Variants in AR observed in about 807,000 individuals in gnomAD.
AR encodes androgen receptor.
AR carries 8 observed loss-of-function variants against 53.9 expected under a neutral mutation model. That is an observed-to-expected ratio of 0.15 (90% CI 0.09 to 0.27). The LOEUF is 0.27. Among genes scored for constraint, AR ranks in the 10% least tolerant of loss-of-function variants. The probability of loss-of-function intolerance (pLI) is 1.00; values close to 1 mark genes in which losing one functional copy is unlikely to be tolerated. For missense variants in AR, 639 were observed against 742.5 expected (o/e 0.86, Z 1.62); for synonymous variants, 359 against 316.4 (o/e 1.13, Z -1.43).
chrX:67,683,462 C>T (rs2075948025), intron 2 of AR, among the ~76,000 whole-genome samples: 1 of 111,330 alleles, frequency 9.0e-6, no homozygotes, highest in African/African-American at 3.3e-5. Context: ...ATTCTTAGAG[C>T]TGGAAAAGAT....
intron 1 of AR, among the ~76,000 whole-genome samples, chrX:67,613,467 C>T (rs1169366077): frequency 9.0e-6 from 1 of 111,349 alleles, no homozygotes; most frequent in African/African-American, 3.3e-5. Flanking sequence ...CTCCATGATA[C>T]TAGTAACAAC....
At chrX:67,670,603 T>C (rs1372615658) in intron 2 of AR, among the ~76,000 whole-genome samples, 1 of 108,681 alleles carries the variant, frequency 9.2e-6, no homozygotes, top group African/African-American at 3.3e-5. Flanking sequence ...ATGTAGATAA[T>C]ATATGTTTAT....
At chrX:67,576,945 G>A (rs768604515) in intron 1 of AR, among the ~76,000 whole-genome samples, 3 of 108,231 alleles carry the variant, frequency 2.8e-5, no homozygotes, top group Non-Finnish European at 3.8e-5. Context: ...TAAAATGTAC[G>A]TACCATAAAG....
chrX:67,723,353 T>TGTGTGTGTGTGTGAGA (rs2076144721), intron 7 of AR, among the ~76,000 whole-genome samples: 1 of 95,019 alleles, frequency 1.1e-5, no homozygotes, highest in African/African-American at 4.4e-5. Context: ...TGTGTGTGTG[T>TGTGTGTGTGTGTGAGA]CAGAGAGAGA....
At chrX:67,600,795 A>G (rs968432176) in intron 1 of AR, among the ~76,000 whole-genome samples, 1 of 111,610 alleles carries the variant, frequency 9.0e-6, no homozygotes, top group Non-Finnish European at 1.9e-5. Context: ...GCTTCTATCA[A>G]AAATTTTCAT....
At chrX:67,573,499 G>A (rs776404417) in intron 1 of AR, among the ~76,000 whole-genome samples, 23 of 111,680 alleles carry the variant, frequency 2.1e-4, no homozygotes, top group South Asian at 7.5e-4. Flanking sequence ...GTCTTATGTA[G>A]AGGGCTGCAC....
At chrX:67,691,134 T>C (rs1353622141) in intron 3 of AR, among the ~76,000 whole-genome samples, 1 of 112,137 alleles carries the variant, frequency 8.9e-6, no homozygotes, top group African/African-American at 3.2e-5. Flanking sequence ...TGAGACAATT[T>C]TAGGAAGGCC....
At chrX:67,579,858 T>C (rs758281957) in intron 1 of AR, among the ~76,000 whole-genome samples, 1 of 111,609 alleles carries the variant, frequency 9.0e-6, no homozygotes, top group South Asian at 3.8e-4. Context: ...ATGCAAACAT[T>C]GTAATTTCTC....
intron 3 of AR, among the ~76,000 whole-genome samples, chrX:67,702,225 C>G (rs1452904610): frequency 9.0e-6 from 1 of 111,381 alleles, no homozygotes; most frequent in Non-Finnish European, 1.9e-5. Context: ...GCAGAAGGCC[C>G]TGAAAAAATT....
At chrX:67,665,570 C>A (rs914099854) in intron 2 of AR, among the ~76,000 whole-genome samples, 2 of 111,763 alleles carry the variant, frequency 1.8e-5, no homozygotes, top group Admixed American at 9.5e-5. Flanking sequence ...CTTGGTAGCC[C>A]TTCTTTCTTC....
At position 67,725,777 on chromosome X, in the gene AR, C is replaced by A; in HGVS notation, c.*1936C>A. Reference sequence around the variant, plus strand: ...GAGACTTTCTACAGAACCATGGCTTCTTTCGGAAAGGTCTGGTTGGTGTGG... The same window carrying A: ...GAGACTTTCTACAGAACCATGGCTTATTTCGGAAAGGTCTGGTTGGTGTGG... On this transcript the variant is annotated 3_prime_UTR_variant, in exon 8 of 8. Coordinates refer to ENST00000374690, the MANE Select transcript of AR (RefSeq NM_000044.6). 3 of 173,936 alleles carry A rather than the reference C, an allele frequency of 1.7e-5. No individual in the cohort carries two copies. Among genetic ancestry groups the A allele is most frequent in the Non-Finnish European group, 3.3e-5 (3 of 91,510 alleles). 14.3% of individuals were successfully genotyped at this position (173,936 alleles called of 1,213,427 possible).
At chrX:67,664,393 T>A (rs1927137462) in intron 2 of AR, among the ~76,000 whole-genome samples, 1 of 112,054 alleles carries the variant, frequency 8.9e-6, no homozygotes, top group Non-Finnish European at 1.9e-5. Context: ...CCAGACCCTG[T>A]TTGCCTGGTT....
intron 1 of AR, among the ~76,000 whole-genome samples, chrX:67,582,916 A>T (rs1034380660): frequency 8.9e-6 from 1 of 111,939 alleles, no homozygotes; most frequent in Non-Finnish European, 1.9e-5. Flanking sequence ...GACTTTTCAC[A>T]TGGAGATAAT....
chrX:67,649,774 T>C (rs1926244868), intron 2 of AR, among the ~76,000 whole-genome samples: 1 of 112,298 alleles, frequency 8.9e-6, no homozygotes, highest in Non-Finnish European at 1.9e-5. Context: ...TTCTGGATAT[T>C]AGCCCTTTGT....
intron 1 of AR, among the ~76,000 whole-genome samples, chrX:67,580,828 T>C (rs754820499): frequency 4.2e-4 from 47 of 111,690 alleles, no homozygotes; most frequent in Non-Finnish European, 6.8e-4. Context: ...TTGTCAACTC[T>C]GTGAGGGCAG....
rs1466124910 is a variant in AR at position 67,725,860 on chromosome X, A to C, written c.*2019A>C. ...GTGCCCTGGGACACTGGTTTTATAT[A>C]GTCTTTTGGCACACCTGTGTTCTGT... On this transcript the variant is annotated 3_prime_UTR_variant, in exon 8 of 8. Coordinates refer to ENST00000374690, the MANE Select transcript of AR (RefSeq NM_000044.6). The C allele has an allele frequency of 5.8e-6, 1 of 173,886 alleles. No individual in the cohort carries two copies. Among genetic ancestry groups the C allele is most frequent in the Non-Finnish European group, 1.1e-5 (1 of 91,506 alleles). 14.3% of individuals were successfully genotyped at this position (173,886 alleles called of 1,213,427 possible).
At chrX:67,579,271 G>A (rs111310635) in intron 1 of AR, among the ~76,000 whole-genome samples, 284 of 111,418 alleles carry the variant, frequency 2.5e-3, no homozygotes, top group Non-Finnish European at 4.5e-3. Context: ...TAACATTGTC[G>A]TTGAATATCT....
chrX:67,659,643 G>T (rs1926772972), intron 2 of AR, among the ~76,000 whole-genome samples: 1 of 111,893 alleles, frequency 8.9e-6, no homozygotes, highest in South Asian at 3.7e-4. Flanking sequence ...TTGGTTCCAA[G>T]GCTTTGCTAT....
In AR at chrX:67,725,164, C is replaced by A. The variant is rs890444214; in HGVS notation, c.*1323C>A. ...CCATGGTCATCAAGCCTGTTTGCTT[C>A]TTTTGGGCATGTTCACAGATTCTCT... On this transcript the variant is annotated 3_prime_UTR_variant, in exon 8 of 8. Transcript: ENST00000374690. 5 of 174,489 alleles carry A rather than the reference C, an allele frequency of 2.9e-5. No homozygotes were observed. Among genetic ancestry groups the A allele is most frequent in the Non-Finnish European group, 5.5e-5 (5 of 91,510 alleles). 14.4% of individuals were successfully genotyped at this position (174,489 alleles called of 1,213,427 possible). A position where few individuals can be genotyped will look rare whatever the true frequency, so the allele number is the denominator to read the frequency against.
Sources: gnomAD v4.1 joint callset for allele counts (sites outside exome capture counted in the v4.1 genomes callset) on GRCh38, gnomAD v4.1.1 for gene constraint, MANE v1.5 for transcripts, NCBI Gene and HGNC (gene_info 2026-07-23, HGNC 2026-07-21) for gene names.